TCP11L2: variants seen among roughly 807,000 people sequenced by gnomAD.
TCP11L2 encodes t-complex 11 like 2, also known as T-complex protein 11-like protein 2.
Under a neutral mutation model 50.7 loss-of-function variants are expected in TCP11L2, and 39 were observed. That is an observed-to-expected ratio of 0.77 (90% CI 0.60 to 1.01). TCP11L2 has a LOEUF of 1.01. Ranked by LOEUF, TCP11L2 falls within the 50% of genes least tolerant of loss-of-function variation. The pLI is 0.00. For synonymous variants in TCP11L2, 192 were observed against 219.3 expected (o/e 0.88, Z 1.10); for missense variants, 612 against 614.7 (o/e 1.00, Z 0.05).
intron 2 of TCP11L2, chr12:106,312,479 T>C: frequency 9.6e-7 from 1 of 1,040,166 alleles, no homozygotes; most frequent in Non-Finnish European, 1.2e-6. Flanking sequence ...GTGGTGTTGT[T>C]GCATCTGACA....
chr12:106,330,006 A>G, intron 6 of TCP11L2: 1 of 985,414 alleles, frequency 1.0e-6, no homozygotes, highest in Non-Finnish European at 1.2e-6. Flanking sequence ...GTCTCTCTCT[A>G]CTCTGCACCT....
intron 4 of TCP11L2, among the ~76,000 whole-genome samples, chr12:106,319,248 G>T (rs1410383615): frequency 6.6e-6 from 1 of 152,162 alleles, no homozygotes; most frequent in Non-Finnish European, 1.5e-5. Context: ...CCATTCATGT[G>T]GACCTCACCC....
chr12:106,334,175 A>T (rs1253431119), intron 6 of TCP11L2, among the ~76,000 whole-genome samples: 2 of 152,320 alleles, frequency 1.3e-5, no homozygotes, highest in East Asian at 3.9e-4. Context: ...GAAACCAGGA[A>T]AAAGTGGTGT....
At chr12:106,305,399 G>A (rs1032330519) in intron 1 of TCP11L2, among the ~76,000 whole-genome samples, 1 of 152,182 alleles carries the variant, frequency 6.6e-6, no homozygotes, top group Non-Finnish European at 1.5e-5. Flanking sequence ...GTCTTTGCTA[G>A]TTTGAATTTT....
chr12:106,317,893 C>T (rs1253935737), intron 3 of TCP11L2, among the ~76,000 whole-genome samples: 3 of 152,202 alleles, frequency 2.0e-5, no homozygotes, highest in Admixed American at 6.5e-5. Flanking sequence ...AAATGGGACA[C>T]CTAAGTCTGA....
At chr12:106,310,780 A>C (rs2034822955) in intron 1 of TCP11L2, among the ~76,000 whole-genome samples, 1 of 152,208 alleles carries the variant, frequency 6.6e-6, no homozygotes, top group Admixed American at 6.5e-5. Flanking sequence ...ACCTGCCATT[A>C]CTTAGAGCTT....
chr12:106,311,258 G>T (rs1346985268), intron 2 of TCP11L2, 26 bp downstream of exon 2: 2 of 1,609,398 alleles, frequency 1.2e-6, no homozygotes, highest in Non-Finnish European at 1.7e-6. Context: ...AGCAGGGGTT[G>T]TGGGTGGCAG....
At chr12:106,339,980 AC>A (rs1222004704) in intron 8 of TCP11L2, among the ~76,000 whole-genome samples, 1 of 152,226 alleles carries the variant, frequency 6.6e-6, no homozygotes, top group Non-Finnish European at 1.5e-5. Context: ...TAAATATTAG[AC>A]ACATAGAAGT....
intron 8 of TCP11L2, among the ~76,000 whole-genome samples, chr12:106,336,711 C>A (rs1264276152): frequency 6.6e-6 from 1 of 152,096 alleles, no homozygotes; most frequent in Non-Finnish European, 1.5e-5. Flanking sequence ...CGCCGCCACG[C>A]CCAGCTAATT....
At chr12:106,329,575 C>G in intron 6 of TCP11L2, 4 of 1,393,312 alleles carry the variant, frequency 2.9e-6, no homozygotes, top group Non-Finnish European at 3.7e-6. Flanking sequence ...AAATCAAAGT[C>G]TCCAGGAGCT....
intron 6 of TCP11L2, chr12:106,326,022 T>C (rs187108510): frequency 1.3e-5 from 2 of 152,214 alleles, no homozygotes; most frequent in African/African-American, 2.4e-5. Context: ...GGTACTGTTA[T>C]TCCCTTTATC....
intron 1 of TCP11L2, among the ~76,000 whole-genome samples, chr12:106,309,789 G>A (rs577876160): frequency 7.9e-5 from 12 of 151,714 alleles, no homozygotes; most frequent in South Asian, 4.2e-4. Flanking sequence ...TACTTTCCCC[G>A]GTGCTCAGTG....
chr12:106,310,513 G>T (rs1250498235), intron 1 of TCP11L2, among the ~76,000 whole-genome samples: 2 of 152,204 alleles, frequency 1.3e-5, no homozygotes, highest in Admixed American at 1.3e-4. Flanking sequence ...AGCAATAGGA[G>T]CAATAATAGC....
At chr12:106,314,746 C>A (rs974959356) in intron 3 of TCP11L2, among the ~76,000 whole-genome samples, 1 of 152,040 alleles carries the variant, frequency 6.6e-6, no homozygotes, top group Non-Finnish European at 1.5e-5. Context: ...ACACCTGTAA[C>A]CCCATCACTT....
intron 9 of TCP11L2, among the ~76,000 whole-genome samples, chr12:106,341,950 AG>A (rs1220491812): frequency 1.3e-5 from 2 of 152,176 alleles, no homozygotes; most frequent in Non-Finnish European, 2.9e-5. Flanking sequence ...CCTGGAGCCA[AG>A]GAAGAGTCAG....
At chr12:106,323,957 T>C (rs1241523869) in intron 6 of TCP11L2, 3 of 154,828 alleles carry the variant, frequency 1.9e-5, no homozygotes, top group African/African-American at 4.8e-5. Context: ...TAAGCACTAT[T>C]CGTTTCTTCA....
At chr12:106,298,682 C>T (rs1235647474), upstream of TCP11L2, among the ~76,000 whole-genome samples, 3 of 151,370 alleles carry the variant, frequency 2.0e-5, no homozygotes, top group African/African-American at 7.3e-5. Context: ...CCACCACGCC[C>T]AACTAATTTT....
chr12:106,343,927 GA>G (rs751516135), intron 9 of TCP11L2, among the ~76,000 whole-genome samples: 1 of 151,662 alleles, frequency 6.6e-6, no homozygotes, highest in Non-Finnish European at 1.5e-5. Context: ...AAAGTGCTGG[GA>G]TTACAGGCCT....
At chr12:106,329,847 TAA>T in intron 6 of TCP11L2, 1 of 986,068 alleles carries the variant, frequency 1.0e-6, no homozygotes, top group Non-Finnish European at 1.2e-6. Flanking sequence ...TACATCTTTA[TAA>T]AACAGAACTA....
Sources: allele counts gnomAD v4.1 joint callset (sites outside exome capture counted in the v4.1 genomes callset), GRCh38; gene constraint gnomAD v4.1.1; transcripts MANE v1.5; gene names NCBI Gene and HGNC (gene_info 2026-07-23, HGNC 2026-07-21).